AIF1: variants seen among roughly 807,000 people sequenced by gnomAD.
The protein encoded by AIF1 is interferon gamma responsive transcript.
A neutral mutation model predicts 20.6 loss-of-function variants in AIF1; 21 were observed. The ratio of observed to expected loss-of-function variants is 1.02; its 90% CI spans 0.72 to 1.47. AIF1 has a LOEUF of 1.47. Among genes scored for constraint, AIF1 ranks in the 40% most tolerant of loss-of-function variants. The probability of loss-of-function intolerance (pLI) is 0.00; values close to 1 mark genes in which losing one functional copy is unlikely to be tolerated. For synonymous variants in AIF1, 52 were observed against 65.8 expected (o/e 0.79, Z 1.01); for missense variants, 161 against 170.5 (o/e 0.94, Z 0.31).
Position 31,615,340 on chromosome 6 carries a change from C to A in AIF1, c.11C>A (p.Thr4Asn). 1 of 1,613,972 alleles carries A rather than the reference C, an allele frequency of 6.2e-7. No homozygotes were observed. The highest frequency in any genetic ancestry group is 8.5e-7 in the Non-Finnish European group (1 of 1,179,988). The change falls in exon 1 of 6, where the codon ACC becomes AAC. Residue 4 changes from threonine (T) to asparagine (N), a missense_variant. Physicochemically the swap from Thr to Asn is moderately conservative, Grantham distance 65. Coordinates refer to ENST00000376059, the MANE Select transcript of AIF1 (RefSeq NM_001623.5). MSQ[T>N]RDLQGGKAFG... ...AGCATCTGCTGAGCTATGAGCCAAA[C>A]CAGGGATTTACAGGGTAGGGAGGGT...
chr6:31,616,315 T>A lies in AIF1; in HGVS notation c.197-29T>A, dbSNP rs767909273. The A allele has an allele frequency of 1.7e-5, 28 of 1,612,710 alleles. No homozygotes were observed. The Admixed American group carries it at 4.7e-4, about 27-fold the overall frequency. ...AGAGGAGAGAGAGGGTCTCCCCACC[T>A]TCTCCCCATCCCCATCCTCTGCCCC... On this transcript the variant is annotated intron_variant, in intron 4 of 5. Coordinates refer to ENST00000376059, the MANE Select transcript of AIF1 (RefSeq NM_001623.5). The surrounding 1 kb of genome is among the most constrained non-coding windows in gnomAD (Gnocchi z 4.0).
In AIF1 at chr6:31,616,050, T is replaced by C; in HGVS notation, c.155-54T>C. 5 of 1,527,070 alleles carry C rather than the reference T, an allele frequency of 3.3e-6. No homozygotes were observed. The highest frequency in any genetic ancestry group is 4.4e-6 in the Non-Finnish European group (5 of 1,139,020). The allele number at this position is 1,527,070 out of a possible 1,614,324, so 94.6% of individuals were successfully genotyped here. On this transcript the variant is annotated intron_variant, in intron 3 of 5. Coordinates refer to ENST00000376059, the MANE Select transcript of AIF1 (RefSeq NM_001623.5). The surrounding 1 kb of genome is among the most constrained non-coding windows in gnomAD (Gnocchi z 4.0). ...GTTGGCAACCCCTTCCTCAGTCCCC[T>C]GCTGAAAACCCTCCAGTCAGCGCTT...
At chr6:31,615,870 C>T in intron 3 of AIF1, 134 bp downstream of exon 3, 1 of 1,499,624 alleles carries the variant, frequency 6.7e-7, no homozygotes, top group Non-Finnish European at 8.9e-7. Flanking sequence ...GCCTTTATTG[C>T]CCTCCTGCCA....
intron 2 of AIF1, 30 bp downstream of exon 2, chr6:31,615,612 AG>A: frequency 2.5e-6 from 4 of 1,574,604 alleles, no homozygotes; most frequent in Non-Finnish European, 3.5e-6. Context: ...GGGCAGAGCC[AG>A]GGGGATGGGG....
rs1452002910 is a variant in AIF1, at chr6:31,616,877, A to G, written c.421A>G (p.Lys141Glu). Residue 141 changes from lysine (K) to glutamate (E), a missense_variant, in exon 6 of 6, where the codon AAA becomes GAA. Physicochemically the swap from Lys to Glu is moderately conservative, Grantham distance 56. Transcript: ENST00000376059. The surrounding 1 kb of genome is among the most constrained non-coding windows in gnomAD (Gnocchi z 4.0). The stretch of plus-strand genomic sequence containing the variant: ...AAAGCCAACAGGCCCCCCAGCCAAG[A>G]AAGCTATCTCTGAGTTGCCCTGATT... ...KEKPTGPPAK[K>E]AISELP 4 of 1,614,234 alleles carry G rather than the reference A, an allele frequency of 2.5e-6. No individual in the cohort carries two copies. The highest frequency in any genetic ancestry group is 3.4e-6 in the Non-Finnish European group (4 of 1,180,040).
At chr6:31,615,889 T>C in intron 3 of AIF1, 153 bp downstream of exon 3, 1 of 1,484,698 alleles carries the variant, frequency 6.7e-7, no homozygotes, top group Non-Finnish European at 8.9e-7. Context: ...CACACTGCGG[T>C]CCCTTTCCCG....
In AIF1 at chr6:31,616,182, G is replaced by A; in HGVS notation, c.196+37G>A. 6.2e-7 allele frequency: 1 copy of A among 1,613,096 alleles called. No individual in the cohort carries two copies. The highest frequency in any genetic ancestry group is 8.5e-7 in the Non-Finnish European group (1 of 1,179,840). ...GTGATTTGCGGGGGCAGGGTGGTGTGCAGGCCTAAGAAGACAGAGGTCTCT... is the reference window on the plus strand; with the variant it reads ...GTGATTTGCGGGGGCAGGGTGGTGTACAGGCCTAAGAAGACAGAGGTCTCT... On this transcript the variant is annotated intron_variant, in intron 4 of 5. Transcript: ENST00000376059. The surrounding 1 kb of genome is among the most constrained non-coding windows in gnomAD (Gnocchi z 4.0).
At position 31,616,070 on chromosome 6, in the gene AIF1, G is replaced by C; in HGVS notation, c.155-34G>C. The C allele has an allele frequency of 6.5e-7, 1 of 1,546,508 alleles. No homozygotes were observed. The highest frequency in any genetic ancestry group is 8.7e-7 in the Non-Finnish European group (1 of 1,146,462). ...TCCCCTGCTGAAAACCCTCCAGTCA[G>C]CGCTTATCCCTTCTGCTCTCTCCCC... On this transcript the variant is annotated intron_variant, in intron 3 of 5. Coordinates refer to ENST00000376059, the MANE Select transcript of AIF1 (RefSeq NM_001623.5). This position sits in a 1 kb window ranked among gnomAD's most constrained non-coding sequence, Gnocchi z 4.0.
At position 31,616,711 on chromosome 6, in the gene AIF1, C is replaced by T; in HGVS notation, c.360-105C>T. 1 of 1,560,204 alleles carries T rather than the reference C, an allele frequency of 6.4e-7. No individual in the cohort carries two copies. The highest frequency in any genetic ancestry group is 1.2e-5 in the South Asian group (1 of 85,394). On this transcript the variant is annotated intron_variant, in intron 5 of 5. Coordinates refer to ENST00000376059, the MANE Select transcript of AIF1 (RefSeq NM_001623.5). The surrounding 1 kb of genome is among the most constrained non-coding windows in gnomAD (Gnocchi z 4.0). Reference sequence around the variant, plus strand: ...ACCCCTGCCCTTCCTCTTCCCCCTTCCACCCTCACATCCCCATCCCCTTCT... The same window carrying T: ...ACCCCTGCCCTTCCTCTTCCCCCTTTCACCCTCACATCCCCATCCCCTTCT...
rs1484748951 is a variant in AIF1 at position 31,616,841 on chromosome 6, A to G, written c.385A>G (p.Arg129Gly). 6.2e-7 allele frequency: 1 copy of G among 1,614,186 alleles called. No homozygotes were observed. Among genetic ancestry groups the G allele is most frequent in the Non-Finnish European group, 8.5e-7 (1 of 1,180,022 alleles). Residue 129 changes from arginine (R) to glycine (G), a missense_variant, in exon 6 of 6, where the codon AGA becomes GGA. By Grantham distance (125) the Arg-to-Gly change is moderately radical (BLOSUM62 -2). Transcript: ENST00000376059. The surrounding 1 kb of genome is among the most constrained non-coding windows in gnomAD (Gnocchi z 4.0). ...KMILMYEEKA[R>G]EKEKPTGPPA... ...GATCCTGATGTATGAGGAAAAAGCG[A>G]GAGAAAAGGAAAAGCCAACAGGCCC...
intron 3 of AIF1, 85 bp downstream of exon 3, chr6:31,615,821 G>C: frequency 6.5e-7 from 1 of 1,540,170 alleles, no homozygotes; most frequent in Non-Finnish European, 8.7e-7. Context: ...GAACAGCAGA[G>C]ATAAAAAGTT....
chr6:31,616,105 G>C lies in AIF1; in HGVS notation c.156G>C (p.Glu52Asp), dbSNP rs757593776. The change falls in exon 4 of 6, where the codon GAG (glutamate) becomes GAC (aspartate). Residue 52 changes from glutamate (E) to aspartate (D), a missense_variant and splice_region_variant. Physicochemically the swap from Glu to Asp is conservative, Grantham distance 45 (BLOSUM62 2). Transcript: ENST00000376059. The surrounding 1 kb of genome is among the most constrained non-coding windows in gnomAD (Gnocchi z 4.0). ...CTTCTGCTCTCTCCCCTCACCCAGA[G>C]AAATACATGGAGTTTGACCTTAATG... ...DLPSKLEGFK[E>D]KYMEFDLNGN... 1.9e-6 allele frequency: 3 copies of C among 1,583,778 alleles called. No individual in the cohort carries two copies. Among genetic ancestry groups the C allele is most frequent in the Non-Finnish European group, 2.6e-6 (3 of 1,163,252 alleles).
In AIF1 at chr6:31,615,324, T is replaced by A; in HGVS notation, c.-6T>A. 1 of 1,612,730 alleles carries A rather than the reference T, an allele frequency of 6.2e-7. No homozygotes were observed. The highest frequency in any genetic ancestry group is 8.5e-7 in the Non-Finnish European group (1 of 1,179,744). The stretch of plus-strand genomic sequence containing the variant: ...TCTCCCCACCTCTACCAGCATCTGC[T>A]GAGCTATGAGCCAAACCAGGGATTT... On this transcript the variant is annotated 5_prime_UTR_variant, in exon 1 of 6. Coordinates refer to ENST00000376059, the MANE Select transcript of AIF1 (RefSeq NM_001623.5).
In AIF1 at chr6:31,615,253, T is replaced by G; in HGVS notation, c.-77T>G. On this transcript the variant is annotated 5_prime_UTR_variant, in exon 1 of 6. Transcript: ENST00000376059. The stretch of plus-strand genomic sequence containing the variant: ...GGAGGAAGGCTTCTGAGAAGACTGG[T>G]GGGAGAGAAGGAGAGCCTGCAGACA... 2 of 1,604,870 alleles carry G rather than the reference T, an allele frequency of 1.2e-6. No individual in the cohort carries two copies. Among genetic ancestry groups the G allele is most frequent in the Non-Finnish European group, 1.7e-6 (2 of 1,175,308 alleles).
In AIF1 at chr6:31,616,607, C is replaced by A; in HGVS notation, c.359+101C>A. The A allele has an allele frequency of 6.6e-7, 1 of 1,512,378 alleles. No individual in the cohort carries two copies. Among genetic ancestry groups the A allele is most frequent in the Admixed American group, 2.3e-5 (1 of 43,654 alleles). The allele number at this position is 1,512,378 out of a possible 1,614,324, so 93.7% of individuals were successfully genotyped here. ...AACATTTCTACACGTTGCCCATCATCCCTTCTTCCATCCTTAGAGGGACCC... is the reference window on the plus strand; with the variant it reads ...AACATTTCTACACGTTGCCCATCATACCTTCTTCCATCCTTAGAGGGACCC... On this transcript the variant is annotated intron_variant, in intron 5 of 5. Transcript: ENST00000376059. This position sits in a 1 kb window ranked among gnomAD's most constrained non-coding sequence, Gnocchi z 4.0.
intron 3 of AIF1, 132 bp from the exon 4 acceptor site, chr6:31,615,972 C>T: frequency 6.6e-7 from 1 of 1,508,886 alleles, no homozygotes; most frequent in Non-Finnish European, 8.8e-7. Context: ...AACCCCACTT[C>T]CTCTGCCTGC....
In AIF1 at chr6:31,616,347, T is replaced by C. The variant is rs144177667; in HGVS notation, c.200T>C (p.Ile67Thr). The part of the protein sequence containing the change: ...FDLNGNGDID[I>T]MSLKRMLEKL... ...CATCCCCATCCTCTGCCCCCAGATA[T>C]CATGTCCCTGAAACGAATGCTGGAG... The change falls in exon 5 of 6, where the codon ATC becomes ACC. Residue 67 changes from isoleucine to threonine, a missense_variant. Transcript: ENST00000376059. The surrounding 1 kb of genome is among the most constrained non-coding windows in gnomAD (Gnocchi z 4.0). 46 of 1,612,502 alleles carry C rather than the reference T, an allele frequency of 2.9e-5. No homozygotes were observed. The African/African-American group carries it at 4.5e-4, about 16-fold the overall frequency.
Position 31,616,988 on chromosome 6 carries a change from C to A in AIF1, c.*88C>A, listed in dbSNP as rs1774441324. The A allele has an allele frequency of 1.3e-6, 2 of 1,551,464 alleles. No individual in the cohort carries two copies. Among genetic ancestry groups the A allele is most frequent in the Non-Finnish European group, 1.8e-6 (2 of 1,140,004 alleles). ...AGACAAAATTGTAAGCCAGAGTCAACAAATTAAATAAATTACCCCCTCCTC... is the reference window on the plus strand; with the variant it reads ...AGACAAAATTGTAAGCCAGAGTCAAAAAATTAAATAAATTACCCCCTCCTC... On this transcript the variant is annotated 3_prime_UTR_variant, in exon 6 of 6. Transcript: ENST00000376059. The surrounding 1 kb of genome is among the most constrained non-coding windows in gnomAD (Gnocchi z 4.0).
intron 3 of AIF1, 151 bp downstream of exon 3, chr6:31,615,887 G>C: frequency 1.3e-6 from 2 of 1,486,170 alleles, no homozygotes; most frequent in Non-Finnish European, 1.8e-6. Context: ...GCCACACTGC[G>C]GTCCCTTTCC....
Sources: gnomAD v4.1 joint callset for allele counts on GRCh38, gnomAD v4.1.1 for gene constraint, Gnocchi (gnomAD v3.1) non-coding constraint, MANE v1.5 for transcripts, NCBI Gene and HGNC (gene_info 2026-07-23, HGNC 2026-07-21) for gene names.